HS3ST4: variants seen among roughly 807,000 people sequenced by gnomAD.
The protein encoded by HS3ST4 is heparan sulfate-glucosamine 3-sulfotransferase 4, also known as heparan sulfate glucosamine 3-O-sulfotransferase 4.
HS3ST4 carries 17 observed loss-of-function variants against 29.2 expected under a neutral mutation model. The ratio of observed to expected loss-of-function variants is 0.58; its 90% CI spans 0.40 to 0.87. The LOEUF (loss-of-function observed/expected upper bound fraction) is 0.87. Ranked by LOEUF, HS3ST4 falls within the 40% of genes least tolerant of loss-of-function variation. HS3ST4 has a pLI of 0.00. For missense variants in HS3ST4, 627 were observed against 634.5 expected (o/e 0.99, Z 0.13); for synonymous variants, 314 against 285.7 (o/e 1.10, Z -1.00).
chr16:25,906,912 G>T (rs1031015989), intron 1 of HS3ST4, among the ~76,000 whole-genome samples: 2 of 152,166 alleles, frequency 1.3e-5, no homozygotes, highest in Non-Finnish European at 2.9e-5. Context: ...GATTATGCTG[G>T]GGCTGGGTGC....
intron 1 of HS3ST4, among the ~76,000 whole-genome samples, chr16:25,728,124 C>T (rs1175090020): frequency 6.6e-6 from 1 of 152,186 alleles, no homozygotes; most frequent in Non-Finnish European, 1.5e-5. Context: ...GCCTCAGCCT[C>T]CTGAGTAGCT....
intron 1 of HS3ST4, among the ~76,000 whole-genome samples, chr16:25,790,536 C>T (rs1966866994): frequency 6.6e-6 from 1 of 152,226 alleles, no homozygotes; most frequent in Non-Finnish European, 1.5e-5. Flanking sequence ...GGATGTAACA[C>T]ATCTTCACCA....
At chr16:26,026,856 G>T (rs938878903) in intron 1 of HS3ST4, among the ~76,000 whole-genome samples, 1 of 152,170 alleles carries the variant, frequency 6.6e-6, no homozygotes, top group African/African-American at 2.4e-5. Flanking sequence ...AGGAACTTCC[G>T]CTGTGTAGGG....
At chr16:25,939,088 G>A (rs1596620209) in intron 1 of HS3ST4, among the ~76,000 whole-genome samples, 1 of 152,102 alleles carries the variant, frequency 6.6e-6, no homozygotes, top group East Asian at 1.9e-4. Flanking sequence ...ACTATTAATT[G>A]TTTGGCTGGT....
chr16:25,933,339 T>C (rs1318105999), intron 1 of HS3ST4: 4 of 513,460 alleles, frequency 7.8e-6, no homozygotes, highest in Non-Finnish European at 1.6e-5. Flanking sequence ...TCTAACACTC[T>C]TCCTGGTGAT....
rs959422978 is a variant in HS3ST4 at position 25,937,738 on chromosome 16, T to A, written c.735-197874T>A. Among the ~76,000 whole-genome samples, 4 of 152,222 alleles carry A rather than the reference T, an allele frequency of 2.6e-5. No homozygotes were observed. The East Asian group carries it at 7.7e-4, about 29-fold the overall frequency. On this transcript the variant is annotated intron_variant, in intron 1 of 1. Transcript: ENST00000331351. ...TTATGATTGGGGCATAGCTCTGATG[T>A]GCTGTGCAAGTGTTTTCAGAATGTA...
chr16:26,125,502 C>A (rs1899330104), intron 1 of HS3ST4, among the ~76,000 whole-genome samples: 1 of 152,246 alleles, frequency 6.6e-6, no homozygotes, highest in African/African-American at 2.4e-5. Flanking sequence ...CGCTGTATAG[C>A]CCCGCTCCTA....
At chr16:26,091,051 C>G (rs1898850906) in intron 1 of HS3ST4, among the ~76,000 whole-genome samples, 1 of 152,046 alleles carries the variant, frequency 6.6e-6, no homozygotes, top group Admixed American at 6.5e-5. Flanking sequence ...TTTATATAAC[C>G]CTGTTAAGTT....
chr16:25,866,197 G>A (rs1967692966), intron 1 of HS3ST4, among the ~76,000 whole-genome samples: 1 of 152,084 alleles, frequency 6.6e-6, no homozygotes, highest in African/African-American at 2.4e-5. Flanking sequence ...TGAATTCCAG[G>A]GGTCTACAAT....
intron 1 of HS3ST4, among the ~76,000 whole-genome samples, chr16:25,808,718 T>C (rs1255543262): frequency 6.6e-6 from 1 of 152,224 alleles, no homozygotes; most frequent in Admixed American, 6.5e-5. Flanking sequence ...ACATCTTTAC[T>C]GTGCTGCTGA....
At chr16:26,019,777 G>T (rs1235344266) in intron 1 of HS3ST4, among the ~76,000 whole-genome samples, 2 of 151,984 alleles carry the variant, frequency 1.3e-5, no homozygotes, top group Non-Finnish European at 1.5e-5. Flanking sequence ...CAGTTTTTTT[G>T]CAGTTTTCAG....
intron 1 of HS3ST4, among the ~76,000 whole-genome samples, chr16:25,954,518 TA>T (rs1968710050): frequency 1.3e-5 from 2 of 152,038 alleles, no homozygotes; most frequent in South Asian, 4.1e-4. Context: ...GAACAAAACA[TA>T]AAAGAAAAAG....
At chr16:26,086,958 T>C (rs975030054) in intron 1 of HS3ST4, among the ~76,000 whole-genome samples, 1 of 152,172 alleles carries the variant, frequency 6.6e-6, no homozygotes, top group Non-Finnish European at 1.5e-5. Context: ...TTCTTTCTCT[T>C]CTCCTCCACT....
chr16:25,968,822 G>T (rs892262027), intron 1 of HS3ST4, among the ~76,000 whole-genome samples: 1 of 152,088 alleles, frequency 6.6e-6, no homozygotes, highest in Non-Finnish European at 1.5e-5. Flanking sequence ...TGTTTGTTTT[G>T]TTTTGTTTTT....
chr16:25,697,662 C>T (rs1288864113), intron 1 of HS3ST4, among the ~76,000 whole-genome samples: 1 of 152,152 alleles, frequency 6.6e-6, no homozygotes, highest in Non-Finnish European at 1.5e-5. Context: ...TGGATTCAGC[C>T]AGTCTGAAGA....
At chr16:25,894,806 G>A (rs4787780) in intron 1 of HS3ST4, among the ~76,000 whole-genome samples, 98,059 of 152,032 alleles carry the variant, frequency 0.64, 31,762 homozygotes, top group South Asian at 0.74. Flanking sequence ...GTGCCTGGTG[G>A]CCTCTTTTTA....
chr16:25,806,320 C>T (rs1005745683), intron 1 of HS3ST4, among the ~76,000 whole-genome samples: 7 of 150,968 alleles, frequency 4.6e-5, no homozygotes, highest in African/African-American at 9.7e-5. Context: ...TGAGTGCAAG[C>T]GTGTGTGTGT....
chr16:26,037,421 G>T (rs1305202504), intron 1 of HS3ST4, among the ~76,000 whole-genome samples: 2 of 152,210 alleles, frequency 1.3e-5, no homozygotes, highest in African/African-American at 2.4e-5. Flanking sequence ...CTGATCTTCA[G>T]TGTGAGTGTT....
In HS3ST4 at chr16:25,903,676, G is replaced by A. The variant is rs115201734; in HGVS notation, c.734+210525G>A. The stretch of plus-strand genomic sequence containing the variant: ...CACTCTATACTCTCATTTCTGTTCT[G>A]CCATCTTGAACTTCCTCCAGTGCTT... On this transcript the variant is annotated intron_variant, in intron 1 of 1. Coordinates refer to ENST00000331351, the MANE Select transcript of HS3ST4 (RefSeq NM_006040.3). Among the ~76,000 whole-genome samples, 707 of 152,040 alleles carry A rather than the reference G, an allele frequency of 4.7e-3. 5 individuals are homozygous for A. The highest frequency in any genetic ancestry group is 0.016 in the African/African-American group (671 of 41,432).
Sources: allele counts gnomAD v4.1 joint callset (sites outside exome capture counted in the v4.1 genomes callset), GRCh38; gene constraint gnomAD v4.1.1; transcripts MANE v1.5; gene names NCBI Gene and HGNC (gene_info 2026-07-23, HGNC 2026-07-21).